The following FTCD variants were observed in gnomAD, a reference collection of about 807,000 sequenced individuals.
FTCD encodes the protein formimidoyltransferase cyclodeaminase, also known as formimidoyltransferase-cyclodeaminase.
Under a neutral mutation model 62.9 loss-of-function variants are expected in FTCD, and 76 were observed. That is an observed-to-expected ratio of 1.21 (90% CI 1.00 to 1.46). FTCD has a LOEUF of 1.46. Ranked by LOEUF, FTCD falls within the 40% of genes most tolerant of loss-of-function variation. The probability of loss-of-function intolerance (pLI) is 0.00; values close to 1 mark genes in which losing one functional copy is unlikely to be tolerated. For missense variants in FTCD, 845 were observed against 751.3 expected (o/e 1.12, Z -1.46); for synonymous variants, 397 against 336.9 (o/e 1.18, Z -1.95).
intron 12 of FTCD, 149 bp downstream of exon 12, chr21:46,138,359 G>A (rs550324716): frequency 1.4e-6 from 1 of 715,564 alleles, no homozygotes; most frequent in South Asian, 1.8e-5. Context: ...GGCCCTGTTG[G>A]AGGAGGCCAA....
At chr21:46,145,304 C>T in intron 10 of FTCD, 113 bp downstream of exon 10, 1 of 884,746 alleles carries the variant, frequency 1.1e-6, no homozygotes, top group Non-Finnish European at 1.7e-6. Flanking sequence ...CCTCAGGCCC[C>T]TCCTGGTCCC....
At chr21:46,138,432 G>A (rs1327345859) in intron 12 of FTCD, 76 bp downstream of exon 12, 36 of 1,411,202 alleles carry the variant, frequency 2.6e-5, no homozygotes, top group Non-Finnish European at 3.4e-5. Flanking sequence ...CAACCACCGT[G>A]CTCTCCAGCA....
At chr21:46,139,048 A>G (rs2078937266) in intron 10 of FTCD, 125 bp from the exon 11 acceptor site, 2 of 781,872 alleles carry the variant, frequency 2.6e-6, no homozygotes, top group Non-Finnish European at 4.5e-6. Context: ...CTGGGAACCA[A>G]GCTTCTGTTG....
Position 46,154,250 on chromosome 21 carries a change from C to T in FTCD, c.137G>A (p.Arg46His), listed in dbSNP as rs200668207. The change falls in exon 2 of 14, where the codon CGC becomes CAC. Residue 46 changes from arginine (R) to histidine (H), a missense_variant. Arg to His is a conservative substitution (Grantham distance 29). Coordinates refer to ENST00000397746, the MANE Select transcript of FTCD (RefSeq NM_206965.2). ...CGGCCCCACGAAGGTGTACACGGTG[C>T]GGTTGGTGGAAGGGCCTGCGTCCAC... ...LDVDAGPSTN[R>H]TVYTFVGPPE... 5.0e-6 allele frequency: 8 copies of T among 1,612,732 alleles called. No individual in the cohort carries two copies. The highest frequency in any genetic ancestry group is 3.3e-5 in the Admixed American group (2 of 60,020).
At chr21:46,153,983 T>A (rs1041820745) in intron 2 of FTCD, among the ~76,000 whole-genome samples, 166 bp downstream of exon 2, 5 of 151,856 alleles carry the variant, frequency 3.3e-5, no homozygotes, top group African/African-American at 1.2e-4. Context: ...ATGGGGGCCA[T>A]GACCCCCACA....
At position 46,146,308 on chromosome 21, in the gene FTCD, A is replaced by G. The variant is rs1028902060; in HGVS notation, c.926T>C (p.Leu309Pro). 4.4e-6 allele frequency: 7 copies of G among 1,604,154 alleles called. No homozygotes were observed. The highest frequency in any genetic ancestry group is 6.0e-6 in the Non-Finnish European group (7 of 1,175,418). Residue 309 changes from leucine to proline, a missense_variant, in exon 8 of 14, where the codon CTG becomes CCG. Leu to Pro is a moderately conservative substitution (Grantham distance 98). Transcript: ENST00000397746. ...RIRLVVSRLG[L>P]DSLCPFSPKE... ...AGGGCTGAAGGGGCACAGGGAGTCC[A>G]GGCCCAGCCGGCTCACCACCTGGAA...
At chr21:46,141,026 T>G (rs1460141865) in intron 10 of FTCD, among the ~76,000 whole-genome samples, 1 of 152,232 alleles carries the variant, frequency 6.6e-6, no homozygotes, top group Non-Finnish European at 1.5e-5. Flanking sequence ...CCACACGTCT[T>G]GTTTCCTTCC....
rs2079230071 is a variant in FTCD, at chr21:46,150,076, C to T, written c.906+43G>A. The T allele has an allele frequency of 9.5e-6, 15 of 1,578,786 alleles. No individual in the cohort carries two copies. In the East Asian group the frequency reaches 3.0e-4, roughly 31 times the overall value. ...GCTCCGCCACCGCCTCCCCACCCTC[C>T]CTGCACGCCCCTGTCCGACCCTTCC... is the stretch of plus-strand genomic sequence containing the variant. On this transcript the variant is annotated intron_variant, in intron 7 of 13. Transcript: ENST00000397746.
chr21:46,139,237 G>T (rs952377751), intron 10 of FTCD, among the ~76,000 whole-genome samples: 1 of 152,174 alleles, frequency 6.6e-6, no homozygotes, highest in African/African-American at 2.4e-5. Context: ...CTCAGAACCT[G>T]TAGGCAGGAG....
chr21:46,152,505 C>G (rs2079316262), intron 3 of FTCD: 1 of 198,796 alleles, frequency 5.0e-6, no homozygotes, highest in African/African-American at 2.3e-5. Context: ...GACCTACGTC[C>G]CTGCCTCGGG....
downstream of FTCD, chr21:46,136,353 G>A (rs955799500): frequency 1.3e-4 from 177 of 1,326,534 alleles, no homozygotes; most frequent in Non-Finnish European, 1.9e-4. Context: ...AAGTCTCCCA[G>A]GAGCCACTGG....
rs747801466 is a variant in FTCD at position 46,150,269 on chromosome 21, C to T, written c.775-19G>A. The T allele has an allele frequency of 9.9e-6, 16 of 1,608,448 alleles. No individual in the cohort carries two copies. Among genetic ancestry groups the T allele is most frequent in the East Asian group, 6.7e-5 (3 of 44,740 alleles). Reference sequence around the variant, plus strand: ...TCAGCTCCTGCCAAGGCACAGGCAGCGTCACCCCCTGGGGGCTGGCTGGAG... The same window carrying T: ...TCAGCTCCTGCCAAGGCACAGGCAGTGTCACCCCCTGGGGGCTGGCTGGAG... On this transcript the variant is annotated intron_variant, in intron 6 of 13. Transcript: ENST00000397746.
At chr21:46,152,728 G>A (rs926711117) in intron 3 of FTCD, 179 bp downstream of exon 3, 10 of 577,420 alleles carry the variant, frequency 1.7e-5, no homozygotes, top group African/African-American at 5.6e-5. Flanking sequence ...CTGCACGGCC[G>A]CAGGCGAGGC....
At chr21:46,146,199 C>G (rs1384664977) in intron 8 of FTCD, 67 bp downstream of exon 8, 1 of 1,140,050 alleles carries the variant, frequency 8.8e-7, no homozygotes, top group African/African-American at 1.5e-5. Context: ...GGGACCCCAG[C>G]GCCCCGCAAG....
rs572661766 is a variant in FTCD, at chr21:46,152,989, G to C, written c.285C>G (p.Pro95=). The change falls in exon 3 of 14, where the codon CCC becomes CCG. Residue 95 remains proline, a synonymous_variant. Coordinates refer to ENST00000397746, the MANE Select transcript of FTCD (RefSeq NM_206965.2). ...MGALDVCPFI[P]VRGVSVDECV... ...ACTCATCCACGCTGACGCCCCTCACGGGGATGAAGGGGCAGACGTCTAGGG... is the reference window on the plus strand; with the variant it reads ...ACTCATCCACGCTGACGCCCCTCACCGGGATGAAGGGGCAGACGTCTAGGG... 2 of 1,551,638 alleles carry C rather than the reference G, an allele frequency of 1.3e-6. No homozygotes were observed. The highest frequency in any genetic ancestry group is 2.0e-5 in the Admixed American group (1 of 51,144).
At chr21:46,140,016 GGTT>G (rs2078959920) in intron 10 of FTCD, among the ~76,000 whole-genome samples, 1 of 152,196 alleles carries the variant, frequency 6.6e-6, no homozygotes. Flanking sequence ...CGTGAGGCTT[GGTT>G]GTGTTGGTGG....
chr21:46,136,444 G>C, downstream of FTCD: 1 of 1,612,604 alleles, frequency 6.2e-7, no homozygotes. Context: ...GCTGCACCTG[G>C]GAAGCGAGGC....
At chr21:46,153,593 G>A (rs566024277) in intron 2 of FTCD, among the ~76,000 whole-genome samples, 15 of 152,292 alleles carry the variant, frequency 9.8e-5, no homozygotes, top group South Asian at 4.1e-4. Context: ...CGCCTTTGCC[G>A]CCACCGCCCA....
rs1346479891 is a variant in FTCD, at chr21:46,145,894, C to T, written c.1022G>A (p.Arg341His). The T allele has an allele frequency of 5.4e-6, 8 of 1,491,322 alleles. No homozygotes were observed. Among genetic ancestry groups the T allele is most frequent in the South Asian group, 1.3e-5 (1 of 79,790 alleles). The allele number at this position is 1,491,322 out of a possible 1,614,324, so 92.4% of individuals were successfully genotyped here. A position where few individuals can be genotyped will look rare whatever the true frequency, so the allele number is the denominator to read the frequency against. Residue 341 changes from arginine to histidine, a missense_variant, in exon 9 of 14, where the codon CGC becomes CAC. By Grantham distance (29) the Arg-to-His change is conservative (BLOSUM62 0). Coordinates refer to ENST00000397746, the MANE Select transcript of FTCD (RefSeq NM_206965.2). ...GGCACCCACCTCCCCCACGAAGGCG[C>T]GCAGGGACTTGCTGCCCAGGCCTCG... ...PERGLGSKSL[R>H]AFVGEVGARS...
Sources: gnomAD v4.1 joint callset for allele counts (sites outside exome capture counted in the v4.1 genomes callset) on GRCh38, gnomAD v4.1.1 for gene constraint, MANE v1.5 for transcripts, NCBI Gene and HGNC (gene_info 2026-07-23, HGNC 2026-07-21) for gene names.